Variants in CRK observed in about 807,000 individuals in gnomAD.
The protein encoded by CRK is adapter molecule crk.
CRK carries 4 observed loss-of-function variants against 29.8 expected under a neutral mutation model. The observed-to-expected ratio is 0.13, with a 90% confidence interval of 0.07 to 0.31. The LOEUF is 0.31. Among genes scored for constraint, CRK ranks in the 10% least tolerant of loss-of-function variants. The pLI is 1.00. For synonymous variants in CRK, 153 were observed against 164.9 expected (o/e 0.93, Z 0.55); for missense variants, 274 against 396.5 (o/e 0.69, Z 2.62).
At chr17:1,448,964 G>C (rs2073997421) in intron 1 of CRK, among the ~76,000 whole-genome samples, 1 of 152,116 alleles carries the variant, frequency 6.6e-6, no homozygotes, top group Non-Finnish European at 1.5e-5. Flanking sequence ...CATACAGTGA[G>C]GCTGTAGTGA....
At chr17:1,445,177 GAGAGGTAATA>G (rs1329646498) in intron 1 of CRK, among the ~76,000 whole-genome samples, 1 of 152,038 alleles carries the variant, frequency 6.6e-6, no homozygotes, top group African/African-American at 2.4e-5. Flanking sequence ...CACTATTGGA[GAGAGGTAATA>G]AGACACAATG....
chr17:1,432,964 T>A (rs1017779751), intron 2 of CRK, among the ~76,000 whole-genome samples: 11 of 152,100 alleles, frequency 7.2e-5, no homozygotes, highest in African/African-American at 2.7e-4. Context: ...AGGAAGCAAG[T>A]CCCGGCTGTA....
At chr17:1,451,843 G>T (rs1478538384) in intron 1 of CRK, among the ~76,000 whole-genome samples, 1 of 152,026 alleles carries the variant, frequency 6.6e-6, no homozygotes, top group Non-Finnish European at 1.5e-5. Context: ...AAATTAGCTG[G>T]GCACAGTGGC....
At position 1,456,132 on chromosome 17, in the gene CRK, C is replaced by T. The variant is rs990128770; in HGVS notation, c.-15G>A. On this transcript the variant is annotated 5_prime_UTR_variant, in exon 1 of 3. Coordinates refer to ENST00000300574, the MANE Select transcript of CRK (RefSeq NM_016823.4). ...TTGCCCGCCATGGCTGCCTCCGCGC[C>T]TAAACGCTGGGGTGCCGCCGCCGCG... 2 of 1,513,474 alleles carry T rather than the reference C, an allele frequency of 1.3e-6. No homozygotes were observed. The highest frequency in any genetic ancestry group is 1.8e-4 in the Middle Eastern group (1 of 5,628). 93.8% of individuals were successfully genotyped at this position (1,513,474 alleles called of 1,614,324 possible).
intron 2 of CRK, among the ~76,000 whole-genome samples, chr17:1,435,739 T>C (rs2073881881): frequency 6.6e-6 from 1 of 152,044 alleles, no homozygotes. Context: ...CCCAGACTGG[T>C]CTTGAACACC....
rs771181307 is a variant in CRK, at chr17:1,455,854, C to A, written c.241+23G>T. ...CCGCGGCCCTCACCCCGCCCAGGGC[C>A]CGCCGTCCCGTCAGTCCCTCACCGG... On this transcript the variant is annotated intron_variant, in intron 1 of 2. Coordinates refer to ENST00000300574, the MANE Select transcript of CRK (RefSeq NM_016823.4). The A allele has an allele frequency of 2.6e-6, 4 of 1,528,982 alleles. No homozygotes were observed. The East Asian group carries it at 7.6e-5, about 29-fold the overall frequency. 94.7% of individuals were successfully genotyped at this position (1,528,982 alleles called of 1,614,324 possible). A position where few individuals can be genotyped will look rare whatever the true frequency, so the allele number is the denominator to read the frequency against.
chr17:1,424,869 C>T (rs780714901), intron 2 of CRK: 1 of 151,814 alleles, frequency 6.6e-6, no homozygotes, highest in Non-Finnish European at 1.5e-5. Context: ...CAAAAATTAG[C>T]TGGGTGTGGT....
intron 1 of CRK, among the ~76,000 whole-genome samples, chr17:1,455,357 G>A (rs1393653678): frequency 1.3e-5 from 2 of 152,128 alleles, no homozygotes; most frequent in East Asian, 1.9e-4. Flanking sequence ...AAAATTGACC[G>A]GTTTCCTGAG....
chr17:1,449,082 C>T (rs151113027), intron 1 of CRK, among the ~76,000 whole-genome samples: 2,103 of 152,244 alleles, frequency 0.014, 42 homozygotes, highest in African/African-American at 0.047. Context: ...TGTAGCTCTT[C>T]ACTACCTCGA....
chr17:1,455,547 C>G (rs1214512936), intron 1 of CRK, among the ~76,000 whole-genome samples: 1 of 152,208 alleles, frequency 6.6e-6, no homozygotes, highest in African/African-American at 2.4e-5. Flanking sequence ...GTGCCAACAT[C>G]TCCCTCAGCT....
rs58338503 is a variant in CRK, at chr17:1,424,067, GTTTTTTTTTTT to G, written c.778-428_778-418del. Among the ~76,000 whole-genome samples the G allele has an allele frequency of 3.6e-4, 39 of 109,828 alleles. No homozygotes were observed. In the South Asian group the frequency reaches 0.013, roughly 35 times the overall value. The allele number at this position is 109,828 out of a possible 152,430, so 72.1% of individuals were successfully genotyped here. Reference sequence around the variant, plus strand: ...TGTCCGAGGAGAAGCAGCTTTCTCCGTTTTTTTTTTTTTTTTTTTTTGAGACGGAGTCTCTG... The same window carrying G: ...TGTCCGAGGAGAAGCAGCTTTCTCCGTTTTTTTTTTGAGACGGAGTCTCTG... On this transcript the variant is annotated intron_variant, in intron 2 of 2. Coordinates refer to ENST00000300574, the MANE Select transcript of CRK (RefSeq NM_016823.4).
chr17:1,429,627 TAAAA>T (rs35227536), intron 2 of CRK, among the ~76,000 whole-genome samples: 1 of 146,666 alleles, frequency 6.8e-6, no homozygotes, highest in Non-Finnish European at 1.5e-5. Flanking sequence ...CTGTCTCTCT[TAAAA>T]AAAAAAAAAA....
intron 2 of CRK, among the ~76,000 whole-genome samples, chr17:1,434,266 G>C (rs1360774212): frequency 6.6e-6 from 1 of 152,076 alleles, no homozygotes; most frequent in African/African-American, 2.4e-5. Flanking sequence ...GACTGAAACT[G>C]GCATGGGTAG....
intron 1 of CRK, 45 bp downstream of exon 1, chr17:1,455,832 C>A: frequency 8.9e-6 from 13 of 1,455,800 alleles, no homozygotes; most frequent in Non-Finnish European, 1.2e-5. Context: ...GGGAGTTCCG[C>A]GGCCCTCACC....
At chr17:1,436,093 CT>C (rs1199556950) in intron 2 of CRK, among the ~76,000 whole-genome samples, 1 of 152,150 alleles carries the variant, frequency 6.6e-6, no homozygotes, top group Non-Finnish European at 1.5e-5. Flanking sequence ...GGAATGAGGA[CT>C]TCTGGGTGTG....
intron 2 of CRK, among the ~76,000 whole-genome samples, chr17:1,432,579 C>A (rs1397132932): frequency 6.6e-6 from 1 of 150,620 alleles, no homozygotes; most frequent in African/African-American, 2.4e-5. Flanking sequence ...AGGTCGAGAC[C>A]ATCCTGGCTA....
At chr17:1,439,841 TCAAA>T (rs1329495404) in intron 1 of CRK, among the ~76,000 whole-genome samples, 7 of 151,748 alleles carry the variant, frequency 4.6e-5, no homozygotes, top group African/African-American at 1.5e-4. Flanking sequence ...AGACTCTGTG[TCAAA>T]CAAACAAAAA....
At chr17:1,449,049 T>C (rs896452105) in intron 1 of CRK, among the ~76,000 whole-genome samples, 1 of 152,128 alleles carries the variant, frequency 6.6e-6, no homozygotes, top group Non-Finnish European at 1.5e-5. Flanking sequence ...CAGAAGTGGC[T>C]TGGCCCAGCT....
chr17:1,428,731 C>A (rs920555525), intron 2 of CRK, among the ~76,000 whole-genome samples: 5 of 150,218 alleles, frequency 3.3e-5, no homozygotes, highest in African/African-American at 1.2e-4. Flanking sequence ...ACCATATTGG[C>A]CAGGCTGGTC....
Sources: gnomAD v4.1 joint callset for allele counts (sites outside exome capture counted in the v4.1 genomes callset) on GRCh38, gnomAD v4.1.1 for gene constraint, MANE v1.5 for transcripts, NCBI Gene and HGNC (gene_info 2026-07-23, HGNC 2026-07-21) for gene names.